Variants in TTC39A observed in about 807,000 individuals in gnomAD.
TTC39A encodes tetratricopeptide repeat protein 39A.
In TTC39A, 46 loss-of-function variants were observed where a neutral mutation model predicts 82.3. The observed-to-expected ratio is 0.56, with a 90% CI of 0.44 to 0.71. The LOEUF (loss-of-function observed/expected upper bound fraction) is 0.71, where lower values mean the gene tolerates loss of function less well. Among genes scored for constraint, TTC39A ranks in the 30% least tolerant of loss-of-function variants. TTC39A has a pLI of 0.00. For missense variants in TTC39A, 543 were observed against 712.9 expected, an observed-to-expected ratio of 0.76 and a Z score of 2.71; for synonymous variants, 254 against 275.2, an observed-to-expected ratio of 0.92 and a Z score of 0.76.
chr1:51,292,173 C>A (rs1471337194), intron 14 of TTC39A, among the ~76,000 whole-genome samples: 5 of 151,986 alleles, frequency 3.3e-5, no homozygotes, highest in Admixed American at 3.3e-4. Flanking sequence ...CAGAGTGAGA[C>A]CCCACCTCTA....
intron 13 of TTC39A, chr1:51,295,395 A>G (rs1252493018): frequency 2.0e-5 from 3 of 152,656 alleles, no homozygotes; most frequent in Non-Finnish European, 2.9e-5. Flanking sequence ...CAACCTCACC[A>G]AGACTGGAGG....
intron 13 of TTC39A, among the ~76,000 whole-genome samples, chr1:51,295,130 A>T (rs1204359208): frequency 6.6e-6 from 1 of 152,146 alleles, no homozygotes; most frequent in African/African-American, 2.4e-5. Context: ...GAACAGCTGG[A>T]TGTGGGTGTG....
chr1:51,311,189 C>T, intron 5 of TTC39A, 65 bp downstream of exon 5: 1 of 1,482,988 alleles, frequency 6.7e-7, no homozygotes. Flanking sequence ...GGGGATGGGT[C>T]ATGGTTGGAC....
Position 51,294,573 on chromosome 1 carries a change from C to T in TTC39A, c.1146-62G>A, listed in dbSNP as rs1644343967. ...AAGAGCAGGAGAGGGCAGAGGGTCCCCAGCCTACCCAGCTATGCTTGGCGC... is the reference window on the plus strand; with the variant it reads ...AAGAGCAGGAGAGGGCAGAGGGTCCTCAGCCTACCCAGCTATGCTTGGCGC... On this transcript the variant is annotated intron_variant, in intron 13 of 17. Transcript: ENST00000680483. The surrounding 1 kb of genome is among the most constrained non-coding windows in gnomAD (Gnocchi z 4.3). 5 of 1,603,570 alleles carry T rather than the reference C, an allele frequency of 3.1e-6. No homozygotes were observed. In the East Asian group the frequency reaches 1.1e-4, roughly 36 times the overall value.
intron 4 of TTC39A, 137 bp from the exon 5 acceptor site, chr1:51,311,458 C>T (rs1483126583): frequency 1.4e-6 from 1 of 715,240 alleles, no homozygotes; most frequent in East Asian, 2.8e-5. Flanking sequence ...CCTCGTCACC[C>T]AGTGCTTCAG....
At chr1:51,323,053 A>C (rs1645588196) in intron 1 of TTC39A, among the ~76,000 whole-genome samples, 1 of 150,308 alleles carries the variant, frequency 6.7e-6, no homozygotes, top group Non-Finnish European at 1.5e-5. Context: ...GGCTGGTCTC[A>C]ACAAACTCCT....
chr1:51,312,177 A>G lies in TTC39A; in HGVS notation c.297T>C (p.Ser99=). Residue 99 remains serine, a synonymous_variant, in exon 4 of 18, where the codon TCT becomes TCC. Coordinates refer to ENST00000680483, the MANE Select transcript of TTC39A (RefSeq NM_001297663.2). ...CCAGGCTGCTGAAGGAATCTGTTAC[A>G]GAAGACTTCCTCCGGTGCCTGAAGA... ...MLCQRHRRKS[S]VTDSFSSLVN... 2 of 1,609,870 alleles carry G rather than the reference A, an allele frequency of 1.2e-6. No individual in the cohort carries two copies. The highest frequency in any genetic ancestry group is 1.1e-5 in the South Asian group (1 of 89,832).
chr1:51,335,231 C>G (rs1386059374), upstream of TTC39A: 1 of 152,188 alleles, frequency 6.6e-6, no homozygotes, highest in East Asian at 1.9e-4. Flanking sequence ...ACTGCTTTCA[C>G]CTGTGCCATT....
At chr1:51,335,096 C>A (rs1645958315), upstream of TTC39A, 2 of 152,270 alleles carry the variant, frequency 1.3e-5, no homozygotes, top group African/African-American at 4.8e-5. Context: ...TGTCAGGAGA[C>A]CTGTTTCCTG....
At chr1:51,318,580 C>T (rs1449415064) in intron 2 of TTC39A, among the ~76,000 whole-genome samples, 3 of 152,168 alleles carry the variant, frequency 2.0e-5, no homozygotes, top group African/African-American at 7.2e-5. Flanking sequence ...GAGGTCAGGC[C>T]TGGGGACTTG....
chr1:51,316,164 C>G (rs1002261939), intron 2 of TTC39A, among the ~76,000 whole-genome samples: 2 of 152,094 alleles, frequency 1.3e-5, no homozygotes, highest in African/African-American at 4.8e-5. Flanking sequence ...TAATGGAGCC[C>G]CAGCACCCAG....
At chr1:51,330,844 A>T, upstream of TTC39A, 2 of 520,094 alleles carry the variant, frequency 3.8e-6, no homozygotes, top group Non-Finnish European at 6.9e-6. This position sits in a 1 kb window ranked among gnomAD's most constrained non-coding sequence, Gnocchi z 4.5. Flanking sequence ...CCTGAGGTCC[A>T]CTTTACTGTC....
At chr1:51,330,951 C>A (rs1053860463), upstream of TTC39A, 45 of 638,118 alleles carry the variant, frequency 7.1e-5, no homozygotes, top group African/African-American at 7.2e-4. The surrounding 1 kb of genome is among the most constrained non-coding windows in gnomAD (Gnocchi z 4.5). Flanking sequence ...ACAAAGACAG[C>A]CCCCAGAGTC....
In TTC39A at chr1:51,287,923, T is replaced by C. The variant is rs1569716410; in HGVS notation, c.*234A>G. ...TCACAGTGAAAAGCAAGTACCCGTA[T>C]GTGTGATAGGGCAGGCAGAGGGCTC... On this transcript the variant is annotated 3_prime_UTR_variant, in exon 18 of 18. Coordinates refer to ENST00000680483, the MANE Select transcript of TTC39A (RefSeq NM_001297663.2). 4 of 526,168 alleles carry C rather than the reference T, an allele frequency of 7.6e-6. No individual in the cohort carries two copies. The highest frequency in any genetic ancestry group is 1.3e-5 in the Non-Finnish European group (4 of 297,120). The allele number at this position is 526,168 out of a possible 1,614,324, so 32.6% of individuals were successfully genotyped here.
intron 5 of TTC39A, among the ~76,000 whole-genome samples, chr1:51,309,768 G>A (rs1040646141): frequency 2.6e-5 from 4 of 152,206 alleles, no homozygotes; most frequent in African/African-American, 9.6e-5. Flanking sequence ...AAGGGTTGTG[G>A]AAGTTCATGA....
chr1:51,288,765 A>C lies in TTC39A; in HGVS notation c.1610+74T>G. 8 of 1,417,692 alleles carry C rather than the reference A, an allele frequency of 5.6e-6. No individual in the cohort carries two copies. The highest frequency in any genetic ancestry group is 7.8e-6 in the Non-Finnish European group (8 of 1,029,442). 87.8% of individuals were successfully genotyped at this position (1,417,692 alleles called of 1,614,324 possible). ...CAACTCCACTCACTGCTCTCTGGGCAACTCTGTCCCCAGCCAGCTCCTGAG... is the reference window on the plus strand; with the variant it reads ...CAACTCCACTCACTGCTCTCTGGGCCACTCTGTCCCCAGCCAGCTCCTGAG... On this transcript the variant is annotated intron_variant, in intron 17 of 17. Coordinates refer to ENST00000680483, the MANE Select transcript of TTC39A (RefSeq NM_001297663.2). This position sits in a 1 kb window ranked among gnomAD's most constrained non-coding sequence, Gnocchi z 4.8.
At chr1:51,301,480 C>T (rs1410807612) in intron 12 of TTC39A, 92 bp downstream of exon 12, 5 of 1,436,426 alleles carry the variant, frequency 3.5e-6, no homozygotes, top group African/African-American at 1.4e-5. Context: ...CCAGCTGAGA[C>T]ATCTGTGTTC....
intron 5 of TTC39A, among the ~76,000 whole-genome samples, chr1:51,310,251 C>A (rs1430068654): frequency 2.0e-5 from 3 of 151,920 alleles, no homozygotes; most frequent in East Asian, 1.9e-4. Flanking sequence ...ACAACAACAA[C>A]AAAAAAGGGT....
chr1:51,316,895 C>T (rs1236913919), intron 2 of TTC39A, among the ~76,000 whole-genome samples: 2 of 152,194 alleles, frequency 1.3e-5, no homozygotes, highest in Non-Finnish European at 2.9e-5. Context: ...ACACACACAG[C>T]AGTCAGTGTG....
Sources: allele counts gnomAD v4.1 joint callset (sites outside exome capture counted in the v4.1 genomes callset), GRCh38; gene constraint gnomAD v4.1.1; non-coding constraint Gnocchi (gnomAD v3.1); transcripts MANE v1.5; gene names NCBI Gene and HGNC (gene_info 2026-07-23, HGNC 2026-07-21).